STAU1: variants seen among roughly 807,000 people sequenced by gnomAD.
The protein encoded by STAU1 is staufen double-stranded RNA binding protein 1.
A neutral mutation model predicts 62.9 loss-of-function variants in STAU1; 13 were observed. The ratio of observed to expected loss-of-function variants is 0.21; its 90% CI spans 0.13 to 0.33. STAU1 has a LOEUF of 0.33. Ranked by LOEUF, STAU1 falls within the 10% of genes least tolerant of loss-of-function variation. STAU1 has a pLI of 1.00. For synonymous variants in STAU1, 269 were observed against 265.1 expected, an observed-to-expected ratio of 1.01 and a Z score of -0.14; for missense variants, 571 against 712.1, an observed-to-expected ratio of 0.80 and a Z score of 2.25.
At chr20:49,136,295 G>A (rs918095088) in intron 5 of STAU1, among the ~76,000 whole-genome samples, 6 of 151,998 alleles carry the variant, frequency 3.9e-5, no homozygotes, top group African/African-American at 1.4e-4. Flanking sequence ...ACAGCGAGAC[G>A]CTGTCCCCCA....
chr20:49,184,508 T>C lies in STAU1; in HGVS notation c.-160+3608A>G, dbSNP rs528855315. The stretch of plus-strand genomic sequence containing the variant: ...TACCCAGAGAAAACCCATGCAGGGA[T>C]AGGGAGAACGTGTAAACTCCACAGA... On this transcript the variant is annotated intron_variant, in intron 1 of 13. Transcript: ENST00000371856. 5.9e-5 allele frequency among the ~76,000 whole-genome samples: 9 copies of C among 152,250 alleles called. No homozygotes were observed. The South Asian group carries it at 1.7e-3, about 28-fold the overall frequency.
At chr20:49,195,268 T>C in the STAU1 span, among the ~76,000 whole-genome samples, 11 of 152,242 alleles carry the variant, frequency 7.2e-5, no homozygotes, top group African/African-American at 2.6e-4. Flanking sequence ...CTGGGCGCTG[T>C]GGCTCACGCC....
At chr20:49,187,774 C>A (rs1600923572) in intron 1 of STAU1, among the ~76,000 whole-genome samples, 2 of 11,446 alleles carry the variant, frequency 1.7e-4, no homozygotes, top group South Asian at 3.6e-3. Context: ...GAAGCAGGGA[C>A]CCCCCCCCCC....
intron 6 of STAU1, among the ~76,000 whole-genome samples, chr20:49,128,301 G>T (rs1344137903): frequency 6.6e-6 from 1 of 152,136 alleles, no homozygotes; most frequent in Non-Finnish European, 1.5e-5. Context: ...ACTACAGCCC[G>T]GGTACCAAGT....
chr20:49,130,229 T>C (rs2092722124), intron 6 of STAU1, among the ~76,000 whole-genome samples: 1 of 152,182 alleles, frequency 6.6e-6, no homozygotes, highest in Non-Finnish European at 1.5e-5. Flanking sequence ...TACTCTATTT[T>C]CCATTTATGT....
At chr20:49,150,559 C>T (rs1273198311) in intron 5 of STAU1, among the ~76,000 whole-genome samples, 1 of 152,140 alleles carries the variant, frequency 6.6e-6, no homozygotes, top group Non-Finnish European at 1.5e-5. Context: ...GATGGGGTTT[C>T]ACCATCTTAG....
At chr20:49,185,061 T>C (rs559524095) in intron 1 of STAU1, among the ~76,000 whole-genome samples, 20 of 152,264 alleles carry the variant, frequency 1.3e-4, no homozygotes, top group Non-Finnish European at 2.8e-4. Flanking sequence ...TCACAAAAAT[T>C]AAGGTTTCAT....
intron 5 of STAU1, among the ~76,000 whole-genome samples, chr20:49,148,708 C>T (rs1237259913): frequency 1.3e-5 from 2 of 152,198 alleles, no homozygotes; most frequent in African/African-American, 2.4e-5. Context: ...TCATAGGACC[C>T]GGTGAAAACT....
chr20:49,149,760 T>C (rs769903029), intron 5 of STAU1, among the ~76,000 whole-genome samples: 17 of 152,202 alleles, frequency 1.1e-4, no homozygotes, highest in Non-Finnish European at 2.2e-4. Flanking sequence ...TAGGTGATTA[T>C]AGCGGAAAAT....
intron 5 of STAU1, among the ~76,000 whole-genome samples, chr20:49,138,944 A>C (rs1568860111): frequency 6.6e-6 from 1 of 152,194 alleles, no homozygotes; most frequent in African/African-American, 2.4e-5. Context: ...AGGTTGGTGC[A>C]AAAGTAATTA....
the STAU1 span, among the ~76,000 whole-genome samples, chr20:49,202,777 C>T: frequency 3.3e-5 from 5 of 151,910 alleles, no homozygotes; most frequent in East Asian, 1.9e-4. Context: ...CGTGGCTCAA[C>T]GCCTGTAGTC....
At chr20:49,178,816 G>A (rs1251842061) in intron 1 of STAU1, among the ~76,000 whole-genome samples, 1 of 148,238 alleles carries the variant, frequency 6.7e-6, no homozygotes, top group African/African-American at 2.5e-5. Context: ...GCTCACGCCT[G>A]TAATCCCAGC....
the STAU1 span, among the ~76,000 whole-genome samples, chr20:49,195,009 A>G: frequency 6.6e-6 from 1 of 152,204 alleles, no homozygotes; most frequent in Non-Finnish European, 1.5e-5. Context: ...GAATGTTTGT[A>G]TCACTCTGAA....
the STAU1 span, among the ~76,000 whole-genome samples, chr20:49,201,011 A>C: frequency 3.0e-5 from 4 of 135,064 alleles, no homozygotes; most frequent in Non-Finnish European, 6.2e-5. Flanking sequence ...TGCACTCTGC[A>C]CTTCAGCCTG....
chr20:49,141,027 G>A (rs1034043034), intron 5 of STAU1, among the ~76,000 whole-genome samples: 1 of 150,124 alleles, frequency 6.7e-6, no homozygotes, highest in Non-Finnish European at 1.5e-5. Flanking sequence ...CTGTGCCAAT[G>A]AGAATGCTCT....
At chr20:49,129,704 G>A (rs1258838129) in intron 6 of STAU1, among the ~76,000 whole-genome samples, 2 of 142,066 alleles carry the variant, frequency 1.4e-5, no homozygotes, top group African/African-American at 5.4e-5. Flanking sequence ...GCATGATCTC[G>A]GCTCACTGCA....
intron 3 of STAU1, among the ~76,000 whole-genome samples, chr20:49,154,850 C>T (rs559275777): frequency 5.9e-5 from 9 of 151,560 alleles, no homozygotes; most frequent in East Asian, 1.9e-4. Flanking sequence ...TTTGGAAGGC[C>T]GAGGCGGGTG....
chr20:49,162,969 G>T (rs933430430), intron 3 of STAU1, among the ~76,000 whole-genome samples: 7 of 151,884 alleles, frequency 4.6e-5, no homozygotes, highest in Non-Finnish European at 7.4e-5. Flanking sequence ...CAAGGTAGGC[G>T]GATCACGAGG....
intron 6 of STAU1, among the ~76,000 whole-genome samples, chr20:49,126,017 AG>A (rs1600637567): frequency 6.6e-6 from 1 of 152,032 alleles, no homozygotes; most frequent in African/African-American, 2.4e-5. Context: ...AAACATGAAC[AG>A]AAAGTTAGCT....
Sources: gnomAD v4.1 joint callset for allele counts (sites outside exome capture counted in the v4.1 genomes callset) on GRCh38, gnomAD v4.1.1 for gene constraint, MANE v1.5 for transcripts, NCBI Gene and HGNC (gene_info 2026-07-23, HGNC 2026-07-21) for gene names.